Variants in PLPPR1 observed in about 807,000 individuals in gnomAD.
PLPPR1 encodes phospholipid phosphatase-related protein type 1.
In PLPPR1, 10 loss-of-function variants were observed where a neutral mutation model predicts 33.1. That is an observed-to-expected ratio of 0.30 (90% CI 0.19 to 0.51). The LOEUF (loss-of-function observed/expected upper bound fraction) is 0.51, where lower values mean the gene tolerates loss of function less well. Among genes scored for constraint, PLPPR1 ranks in the 20% least tolerant of loss-of-function variants. The pLI is 0.97. For missense variants in PLPPR1, 304 were observed against 408.1 expected (o/e 0.74, Z 2.20); for synonymous variants, 151 against 151.0 (o/e 1.00, Z 0.00).
intron 1 of PLPPR1, among the ~76,000 whole-genome samples, chr9:101,094,425 G>A (rs949546767): frequency 2.0e-5 from 3 of 152,016 alleles, no homozygotes; most frequent in African/African-American, 7.2e-5. Flanking sequence ...ACTCAAACAC[G>A]CCAGAGAAGC....
chr9:101,281,581 A>G (rs1828305234), intron 3 of PLPPR1, among the ~76,000 whole-genome samples: 1 of 152,156 alleles, frequency 6.6e-6, no homozygotes. Context: ...ATGGAACAGA[A>G]TAGAGAACCC....
At chr9:101,170,692 TTGGGAGGCCAAAG>T (rs755870122) in intron 1 of PLPPR1, among the ~76,000 whole-genome samples, 2 of 152,134 alleles carry the variant, frequency 1.3e-5, no homozygotes, top group Non-Finnish European at 2.9e-5. Flanking sequence ...TCTCAGCACT[TTGGGAGGCCAAAG>T]TGGGAGGATC....
chr9:101,181,672 A>G (rs1476528759), intron 1 of PLPPR1, among the ~76,000 whole-genome samples: 2 of 149,086 alleles, frequency 1.3e-5, no homozygotes, highest in African/African-American at 2.5e-5. Flanking sequence ...ATATGTATAT[A>G]TATGTATATA....
intron 2 of PLPPR1, among the ~76,000 whole-genome samples, chr9:101,250,402 G>A (rs1268138312): frequency 2.6e-5 from 4 of 151,850 alleles, no homozygotes; most frequent in African/African-American, 9.7e-5. Context: ...AAACTCACCC[G>A]CAATCAGCAA....
chr9:101,173,335 C>T (rs575619402), intron 1 of PLPPR1, among the ~76,000 whole-genome samples: 237 of 152,124 alleles, frequency 1.6e-3, no homozygotes, highest in African/African-American at 5.4e-3. Flanking sequence ...CTTTTTCAGG[C>T]GTATTTTTAC....
intron 2 of PLPPR1, among the ~76,000 whole-genome samples, chr9:101,195,483 A>G (rs1246782076): frequency 6.6e-6 from 1 of 152,098 alleles, no homozygotes; most frequent in Non-Finnish European, 1.5e-5. Flanking sequence ...TTTATATAGT[A>G]AGTGGTGCTG....
At chr9:101,228,449 C>G (rs1166991619) in intron 2 of PLPPR1, among the ~76,000 whole-genome samples, 1 of 152,056 alleles carries the variant, frequency 6.6e-6, no homozygotes, top group Non-Finnish European at 1.5e-5. Flanking sequence ...ACCTGCCTCA[C>G]CAACTAGAGG....
intron 3 of PLPPR1, among the ~76,000 whole-genome samples, chr9:101,279,217 A>G (rs1471627489): frequency 6.6e-6 from 1 of 152,222 alleles, no homozygotes; most frequent in Non-Finnish European, 1.5e-5. Context: ...AGTGAGCACA[A>G]TGAGAAATTT....
chr9:101,271,874 TAG>T (rs1449428285), intron 3 of PLPPR1, among the ~76,000 whole-genome samples: 1 of 152,168 alleles, frequency 6.6e-6, no homozygotes, highest in Non-Finnish European at 1.5e-5. Flanking sequence ...TTTATAATTA[TAG>T]AGATTGTTTT....
At chr9:101,301,216 A>T (rs1554689636) in intron 4 of PLPPR1, among the ~76,000 whole-genome samples, 3 of 152,188 alleles carry the variant, frequency 2.0e-5, no homozygotes, top group Non-Finnish European at 4.4e-5. Flanking sequence ...GCATTGTAAA[A>T]GGTGCTTTAT....
intron 3 of PLPPR1, 98 bp downstream of exon 3, chr9:101,270,166 A>T: frequency 7.6e-7 from 1 of 1,321,856 alleles, no homozygotes; most frequent in Non-Finnish European, 1.1e-6. Context: ...AGCATTCACC[A>T]GCAGTTTTAT....
At chr9:101,242,391 C>A (rs143673775) in intron 2 of PLPPR1, among the ~76,000 whole-genome samples, 86 of 152,056 alleles carry the variant, frequency 5.7e-4, no homozygotes, top group African/African-American at 2.0e-3. Context: ...TCTTTGCTGT[C>A]AACTTTGATC....
intron 1 of PLPPR1, among the ~76,000 whole-genome samples, chr9:101,077,030 C>G (rs1175873646): frequency 6.6e-6 from 1 of 152,176 alleles, no homozygotes; most frequent in African/African-American, 2.4e-5. Context: ...GGAGGTGTTA[C>G]CTCTTGTCAT....
intron 3 of PLPPR1, among the ~76,000 whole-genome samples, chr9:101,281,834 G>T (rs1333010473): frequency 1.3e-5 from 2 of 152,032 alleles, no homozygotes; most frequent in African/African-American, 2.4e-5. Flanking sequence ...TAGCCTAGAA[G>T]AAACAGGTAA....
At chr9:101,295,459 T>C (rs978354005) in intron 4 of PLPPR1, among the ~76,000 whole-genome samples, 3 of 152,108 alleles carry the variant, frequency 2.0e-5, no homozygotes, top group African/African-American at 7.2e-5. Flanking sequence ...TACTTTAAAG[T>C]TCATATGGAA....
chr9:101,251,937 G>C (rs1827719095), intron 2 of PLPPR1, among the ~76,000 whole-genome samples: 4 of 152,112 alleles, frequency 2.6e-5, no homozygotes. Context: ...GGAGGAAAAA[G>C]TCTGGAAGGA....
At chr9:101,307,461 A>G (rs1213595549) in intron 4 of PLPPR1, among the ~76,000 whole-genome samples, 1 of 152,212 alleles carries the variant, frequency 6.6e-6, no homozygotes, top group African/African-American at 2.4e-5. Flanking sequence ...GAAGATGTAG[A>G]AAATCTCCAA....
chr9:101,302,754 A>G (rs942882769), intron 4 of PLPPR1, among the ~76,000 whole-genome samples: 2 of 152,148 alleles, frequency 1.3e-5, no homozygotes, highest in Non-Finnish European at 2.9e-5. Context: ...TTTTTCTACC[A>G]AAACAGAGGC....
intron 1 of PLPPR1, among the ~76,000 whole-genome samples, chr9:101,093,342 T>C (rs1265114963): frequency 6.6e-6 from 1 of 152,194 alleles, no homozygotes; most frequent in Non-Finnish European, 1.5e-5. Flanking sequence ...ATATGAACGA[T>C]AAAGTAATCA....
Sources: allele counts gnomAD v4.1 joint callset (sites outside exome capture counted in the v4.1 genomes callset), GRCh38; gene constraint gnomAD v4.1.1; transcripts MANE v1.5; gene names NCBI Gene and HGNC (gene_info 2026-07-23, HGNC 2026-07-21).